SMYD5: variants seen among roughly 807,000 people sequenced by gnomAD.
SMYD5 encodes SMYD family member 5, also known as protein-lysine N-trimethyltransferase SMYD5.
Under a neutral mutation model 57.4 loss-of-function variants are expected in SMYD5, and 35 were observed. The ratio of observed to expected loss-of-function variants is 0.61; its 90% CI spans 0.47 to 0.81. The LOEUF is 0.81. Ranked by LOEUF, SMYD5 falls within the 30% of genes least tolerant of loss-of-function variation. The pLI is 0.00. For missense variants in SMYD5, 471 were observed against 527.9 expected, an observed-to-expected ratio of 0.89 and a Z score of 1.06; for synonymous variants, 198 against 189.7, an observed-to-expected ratio of 1.04 and a Z score of -0.36.
rs1234942468 is a variant in SMYD5, at chr2:73,222,960, C to T, written c.706-76C>T. ...TCAGATGAGCCTGACTCACAGAAGG[C>T]TTCCCAAACAGAGAGTCCAATTGGA... On this transcript the variant is annotated intron_variant, in intron 7 of 12. Transcript: ENST00000389501. 7.3e-6 allele frequency: 11 copies of T among 1,516,560 alleles called. No individual in the cohort carries two copies. The African/African-American group carries it at 1.5e-4, about 21-fold the overall frequency. 93.9% of individuals were successfully genotyped at this position (1,516,560 alleles called of 1,614,324 possible).
In SMYD5 at chr2:73,221,235, G is replaced by A. The variant is rs750310529; in HGVS notation, c.537+1G>A. On this transcript the variant is annotated splice_donor_variant, in intron 5 of 12. Transcript: ENST00000389501. LOFTEE classifies it high-confidence loss of function. ...TAGGATGGTGGCCACAGTGAAGCAGGTGAGCCCACCCAACCCTCTCGGGGA... is the reference window on the plus strand; with the variant it reads ...TAGGATGGTGGCCACAGTGAAGCAGATGAGCCCACCCAACCCTCTCGGGGA... 1 of 1,613,490 alleles carries A rather than the reference G, an allele frequency of 6.2e-7. No homozygotes were observed. Among genetic ancestry groups the A allele is most frequent in the Non-Finnish European group, 8.5e-7 (1 of 1,179,638 alleles).
At chr2:73,224,823 T>C in intron 10 of SMYD5, 43 bp from the exon 11 acceptor site, 2 of 1,442,040 alleles carry the variant, frequency 1.4e-6, no homozygotes, top group Non-Finnish European at 1.9e-6. Flanking sequence ...GGCTATTATT[T>C]TTTTTAGTCA....
Position 73,223,107 on chromosome 2 carries a change from G to T in SMYD5, c.776+1G>T. On this transcript the variant is annotated splice_donor_variant, in intron 8 of 12. Transcript: ENST00000389501. LOFTEE classifies it high-confidence loss of function. Reference sequence around the variant, plus strand: ...CCAATGGCCAAGGAATCGGGACCAGGTTAGAATGTTCCAGAGCTATTGAAG... The same window carrying T: ...CCAATGGCCAAGGAATCGGGACCAGTTTAGAATGTTCCAGAGCTATTGAAG... 6.2e-7 allele frequency: 1 copy of T among 1,613,238 alleles called. No homozygotes were observed. Among genetic ancestry groups the T allele is most frequent in the Non-Finnish European group, 8.5e-7 (1 of 1,179,164 alleles).
chr2:73,217,076 C>T (rs1384261057), intron 1 of SMYD5, among the ~76,000 whole-genome samples: 5 of 151,972 alleles, frequency 3.3e-5, no homozygotes, highest in South Asian at 2.1e-4. Context: ...CTCAGCCTTC[C>T]GAGTAGCTGG....
At chr2:73,221,108 C>A in intron 4 of SMYD5, 57 bp from the exon 5 acceptor site, 1 of 1,495,050 alleles carries the variant, frequency 6.7e-7, no homozygotes, top group South Asian at 1.1e-5. Flanking sequence ...CTCGGCTTCC[C>A]TGAGCTCAGC....
intron 1 of SMYD5, chr2:73,214,689 G>C: frequency 7.1e-7 from 1 of 1,409,334 alleles, no homozygotes; most frequent in Non-Finnish European, 9.5e-7. Context: ...GGGATGTGCC[G>C]GGCAGAGAGA....
chr2:73,220,056 G>T lies in SMYD5; in HGVS notation c.211G>T (p.Asp71Tyr). The T allele has an allele frequency of 6.2e-6, 10 of 1,614,216 alleles. No individual in the cohort carries two copies. The highest frequency in any genetic ancestry group is 8.5e-6 in the Non-Finnish European group (10 of 1,180,026). ...TGTCTGGCTCTCACCGTCAGCCTGT[G>T]ACCACTGCCTTAGGGCACTAGAGAA... Reference protein sequence around the residue: ...WNALYRYRACDHCLRALEKAE... With the variant: ...WNALYRYRACYHCLRALEKAE... The change falls in exon 3 of 13, where the codon GAC becomes TAC. Residue 71 changes from aspartate to tyrosine, a missense_variant. By Grantham distance (160) the Asp-to-Tyr change is radical (BLOSUM62 -3). Coordinates refer to ENST00000389501, the MANE Select transcript of SMYD5 (RefSeq NM_006062.3).
intron 1 of SMYD5, among the ~76,000 whole-genome samples, chr2:73,216,704 A>G (rs1170424694): frequency 6.6e-6 from 1 of 152,042 alleles, no homozygotes; most frequent in Non-Finnish European, 1.5e-5. Flanking sequence ...CAACAACAAC[A>G]ACAAAAATCT....
At chr2:73,216,620 A>G (rs967601267) in intron 1 of SMYD5, among the ~76,000 whole-genome samples, 2 of 152,182 alleles carry the variant, frequency 1.3e-5, no homozygotes, top group Non-Finnish European at 2.9e-5. Flanking sequence ...GCTTGAACCC[A>G]GGAGGCAGAA....
At chr2:73,225,610 C>A (rs1416021722) in intron 11 of SMYD5, 21 bp from the exon 12 acceptor site, 1 of 1,611,622 alleles carries the variant, frequency 6.2e-7, no homozygotes, top group Admixed American at 1.7e-5. Flanking sequence ...GACCATCAGA[C>A]TGCACTTCTC....
At chr2:73,225,020 G>A (rs1446345793) in intron 11 of SMYD5, 60 bp downstream of exon 11, 2 of 1,310,392 alleles carry the variant, frequency 1.5e-6, no homozygotes. Context: ...GTTCTCTGCA[G>A]GGATCAGGAG....
chr2:73,215,129 T>C (rs551417037), intron 1 of SMYD5, among the ~76,000 whole-genome samples: 1 of 152,356 alleles, frequency 6.6e-6, no homozygotes, highest in African/African-American at 2.4e-5. Flanking sequence ...CAACCCCTTA[T>C]TAATGGACCC....
At chr2:73,220,821 C>G (rs1225240416) in intron 4 of SMYD5, 39 bp downstream of exon 4, 15 of 1,608,724 alleles carry the variant, frequency 9.3e-6, no homozygotes, top group African/African-American at 1.3e-5. Flanking sequence ...TTATCCTTTC[C>G]TCCCTGGTTG....
chr2:73,225,996 G>T lies in SMYD5; in HGVS notation c.*50G>T. The T allele has an allele frequency of 1.3e-6, 2 of 1,548,712 alleles. No individual in the cohort carries two copies. Among genetic ancestry groups the T allele is most frequent in the Non-Finnish European group, 1.7e-6 (2 of 1,148,864 alleles). On this transcript the variant is annotated 3_prime_UTR_variant, in exon 13 of 13. Coordinates refer to ENST00000389501, the MANE Select transcript of SMYD5 (RefSeq NM_006062.3). ...TGCCCTAGACCCTGCCAGAAAAGGG[G>T]GCTCTTCCCCCAGAGAAGTGGCTTG... is the stretch of plus-strand genomic sequence containing the variant.
chr2:73,225,426 A>G, intron 11 of SMYD5: 2 of 652,786 alleles, frequency 3.1e-6, no homozygotes, highest in African/African-American at 1.8e-5. Flanking sequence ...CCTCTGTCTC[A>G]GGCACAGGCT....
chr2:73,221,493 T>C (rs886953285), intron 5 of SMYD5, among the ~76,000 whole-genome samples: 2 of 151,482 alleles, frequency 1.3e-5, no homozygotes, highest in African/African-American at 2.4e-5. Flanking sequence ...TAGTTTCTGA[T>C]ATAGAAGATG....
chr2:73,218,806 C>G lies in SMYD5; in HGVS notation c.97-55C>G, dbSNP rs577014246. 117 of 1,349,322 alleles carry G rather than the reference C, an allele frequency of 8.7e-5. No individual in the cohort carries two copies. The African/African-American group carries it at 1.5e-3, about 18-fold the overall frequency. The allele number at this position is 1,349,322 out of a possible 1,614,324, so 83.6% of individuals were successfully genotyped here. ...GGCTGGACAGCCTCCTGGAAGCTCTCGGAGCTATGTCTTCTGTTCCTTTTT... is the reference window on the plus strand; with the variant it reads ...GGCTGGACAGCCTCCTGGAAGCTCTGGGAGCTATGTCTTCTGTTCCTTTTT... On this transcript the variant is annotated intron_variant, in intron 1 of 12. Coordinates refer to ENST00000389501, the MANE Select transcript of SMYD5 (RefSeq NM_006062.3).
At chr2:73,221,964 C>T in intron 6 of SMYD5, 34 bp downstream of exon 6, 2 of 1,285,940 alleles carry the variant, frequency 1.6e-6, no homozygotes, top group Non-Finnish European at 2.3e-6. Context: ...CTCCTTCCCT[C>T]CCCAAATATC....
At position 73,226,045 on chromosome 2, in the gene SMYD5, C is replaced by T. The variant is rs1485744009; in HGVS notation, c.*99C>T. ...TGGAGGGAACTTCCCACTCCCATTG[C>T]CTGCTTTCCCCATTCCAGCCCTCTC... is the stretch of plus-strand genomic sequence containing the variant. On this transcript the variant is annotated 3_prime_UTR_variant, in exon 13 of 13. Transcript: ENST00000389501. The T allele has an allele frequency of 2.1e-6, 3 of 1,436,598 alleles. No individual in the cohort carries two copies. Among genetic ancestry groups the T allele is most frequent in the South Asian group, 2.8e-5 (2 of 70,576 alleles). 89.0% of individuals were successfully genotyped at this position (1,436,598 alleles called of 1,614,324 possible).
Sources: allele counts gnomAD v4.1 joint callset (sites outside exome capture counted in the v4.1 genomes callset), GRCh38; gene constraint gnomAD v4.1.1; transcripts MANE v1.5; gene names NCBI Gene and HGNC (gene_info 2026-07-23, HGNC 2026-07-21).